The following RORA variants were observed in gnomAD, a reference collection of about 807,000 sequenced individuals.
RORA encodes RAR related orphan receptor A, also known as nuclear receptor ROR-alpha.
Under a neutral mutation model 69.5 loss-of-function variants are expected in RORA, and 7 were observed. That is an observed-to-expected ratio of 0.10 (90% CI 0.06 to 0.19). The LOEUF (loss-of-function observed/expected upper bound fraction) is 0.19, where lower values mean the gene tolerates loss of function less well. Among genes scored for constraint, RORA ranks in the 10% least tolerant of loss-of-function variants. The pLI is 1.00. For missense variants in RORA, 457 were observed against 663.0 expected, an observed-to-expected ratio of 0.69 and a Z score of 3.41; for synonymous variants, 261 against 240.8, an observed-to-expected ratio of 1.08 and a Z score of -0.78.
intron 1 of RORA, among the ~76,000 whole-genome samples, chr15:61,175,641 C>T (rs367872351): frequency 2.6e-5 from 4 of 150,988 alleles, no homozygotes; most frequent in African/African-American, 7.3e-5. Context: ...TGCTTGAGCC[C>T]GGGAGGTTGA....
intron 1 of RORA, among the ~76,000 whole-genome samples, chr15:60,965,436 T>C (rs914239371): frequency 3.9e-5 from 6 of 152,196 alleles, no homozygotes; most frequent in African/African-American, 1.4e-4. Context: ...GAATTAGCAA[T>C]GGTCTCTGTA....
chr15:61,141,236 T>C (rs901024209), intron 1 of RORA, among the ~76,000 whole-genome samples: 1 of 152,236 alleles, frequency 6.6e-6, no homozygotes, highest in Non-Finnish European at 1.5e-5. Flanking sequence ...AGATTTATCT[T>C]ATACATTAGG....
chr15:61,057,153 C>A (rs1033961634), intron 1 of RORA, among the ~76,000 whole-genome samples: 2 of 152,054 alleles, frequency 1.3e-5, no homozygotes. Context: ...ACTCGACAGG[C>A]GAAGGGAGAG....
intron 1 of RORA, among the ~76,000 whole-genome samples, chr15:60,702,366 G>A (rs190206196): frequency 6.6e-6 from 1 of 152,058 alleles, no homozygotes; most frequent in Non-Finnish European, 1.5e-5. Flanking sequence ...CGAGTAGCTG[G>A]GATTACAGGC....
At chr15:60,979,956 T>C (rs1390892686) in intron 1 of RORA, among the ~76,000 whole-genome samples, 2 of 152,214 alleles carry the variant, frequency 1.3e-5, no homozygotes, top group Admixed American at 1.3e-4. Context: ...ATCATGTTTC[T>C]GATATTACAG....
intron 1 of RORA, chr15:60,848,862 A>C (rs1353805448): frequency 6.6e-6 from 1 of 152,102 alleles, no homozygotes; most frequent in Non-Finnish European, 1.5e-5. Flanking sequence ...CTAGGCCCCT[A>C]CTCCAACAAA....
At chr15:61,086,827 G>A (rs879670794) in intron 1 of RORA, among the ~76,000 whole-genome samples, 12 of 151,854 alleles carry the variant, frequency 7.9e-5, no homozygotes, top group African/African-American at 2.2e-4. Context: ...ATTTGTTTAC[G>A]TATTATCTAT....
Position 61,008,201 on chromosome 15 carries a change from CTCTGTGTG to C in RORA, c.166+220844_166+220851del, listed in dbSNP as rs1416586165. On this transcript the variant is annotated intron_variant, in intron 1 of 10. Coordinates refer to ENST00000335670, the MANE Select transcript of RORA (RefSeq NM_134261.3). Reference sequence around the variant, plus strand: ...TAAAGAATTTCAAAATTCTCTCTCTCTCTGTGTGTGTGTGTGTGTGTGTGTGTGTGTGT... The same window carrying C: ...TAAAGAATTTCAAAATTCTCTCTCTCTGTGTGTGTGTGTGTGTGTGTGTGT... Among the ~76,000 whole-genome samples, 192 of 106,676 alleles carry C rather than the reference CTCTGTGTG, an allele frequency of 1.8e-3. 1 individual carries two copies. The highest frequency in any genetic ancestry group is 7.5e-3 in the South Asian group (24 of 3,198). 70.0% of individuals were successfully genotyped at this position (106,676 alleles called of 152,430 possible).
At position 60,494,554 on chromosome 15, in the gene RORA, TC is replaced by T. The variant is rs1406987703; in HGVS notation, c.*2900del. 1 of 151,622 alleles carries T rather than the reference TC, an allele frequency of 6.6e-6. No homozygotes were observed. The highest frequency in any genetic ancestry group is 1.5e-5 in the Non-Finnish European group (1 of 67,890). 9.4% of individuals were successfully genotyped at this position (151,622 alleles called of 1,614,324 possible). The stretch of plus-strand genomic sequence containing the variant: ...TGAAGAAAGGAAAATGCAAAGTTTT[TC>T]ACATCCTTTTCTGAGCTCCATATTT... On this transcript the variant is annotated 3_prime_UTR_variant, in exon 11 of 11. Coordinates refer to ENST00000335670, the MANE Select transcript of RORA (RefSeq NM_134261.3).
chr15:61,141,049 T>C (rs866297420), intron 1 of RORA, among the ~76,000 whole-genome samples: 26 of 152,298 alleles, frequency 1.7e-4, no homozygotes, highest in African/African-American at 6.3e-4. Context: ...TATCTGTTAG[T>C]ATCACAACGG....
rs562634174 is a variant in RORA at position 61,067,626 on chromosome 15, T to G, written c.166+161427A>C. ...CAGATAAGAAAATCAAGAATCAGAA[T>G]GATTAGGTGAAATGCCCAAGACCAG... On this transcript the variant is annotated intron_variant, in intron 1 of 10. Transcript: ENST00000335670. Among the ~76,000 whole-genome samples, 27 of 152,318 alleles carry G rather than the reference T, an allele frequency of 1.8e-4. 1 individual carries two copies. The South Asian group carries it at 5.0e-3, about 28-fold the overall frequency.
intron 1 of RORA, among the ~76,000 whole-genome samples, chr15:60,884,781 A>C (rs1394446804): frequency 6.6e-6 from 1 of 152,212 alleles, no homozygotes; most frequent in East Asian, 1.9e-4. Context: ...ACCAAGAGAA[A>C]AATCCTTTCC....
At chr15:60,919,929 G>A (rs1891992679) in intron 1 of RORA, among the ~76,000 whole-genome samples, 1 of 152,156 alleles carries the variant, frequency 6.6e-6, no homozygotes, top group Non-Finnish European at 1.5e-5. Flanking sequence ...TTCATGCTTG[G>A]TGTTCAACCA....
chr15:60,557,615 A>T (rs1171609554), intron 2 of RORA, among the ~76,000 whole-genome samples: 1 of 152,254 alleles, frequency 6.6e-6, no homozygotes, highest in Non-Finnish European at 1.5e-5. Context: ...ACTTGTATTC[A>T]TAAGGAACAC....
chr15:61,007,141 G>C (rs1894934963), intron 1 of RORA, among the ~76,000 whole-genome samples: 1 of 152,104 alleles, frequency 6.6e-6, no homozygotes, highest in African/African-American at 2.4e-5. Context: ...CACCATTGGA[G>C]TTCTTGCCCC....
At chr15:60,538,884 C>T (rs2066765143) in intron 2 of RORA, among the ~76,000 whole-genome samples, 1 of 151,998 alleles carries the variant, frequency 6.6e-6, no homozygotes, top group Non-Finnish European at 1.5e-5. Flanking sequence ...TGTTCTGCAT[C>T]TTACTAAACA....
intron 1 of RORA, among the ~76,000 whole-genome samples, chr15:61,158,860 A>G (rs115674824): frequency 0.013 from 1,906 of 152,294 alleles, 37 homozygotes; most frequent in African/African-American, 0.044. Context: ...GGCAAGGATG[A>G]AGTGGGGAGG....
At chr15:60,756,940 TTTA>T (rs1255427674) in intron 1 of RORA, among the ~76,000 whole-genome samples, 2 of 152,310 alleles carry the variant, frequency 1.3e-5, no homozygotes, top group African/African-American at 4.8e-5. Flanking sequence ...TCATTCAGAA[TTTA>T]TTATTATAAT....
intron 1 of RORA, among the ~76,000 whole-genome samples, chr15:60,993,996 T>TGTG (rs1894458801): frequency 6.6e-6 from 1 of 152,162 alleles, no homozygotes; most frequent in Admixed American, 6.5e-5. Flanking sequence ...GCAAAAAACA[T>TGTG]GTGTTACCCT....
Sources: gnomAD v4.1 joint callset for allele counts (sites outside exome capture counted in the v4.1 genomes callset) on GRCh38, gnomAD v4.1.1 for gene constraint, MANE v1.5 for transcripts, NCBI Gene and HGNC (gene_info 2026-07-23, HGNC 2026-07-21) for gene names.